The following JAKMIP3 variants were observed in gnomAD, a reference collection of about 807,000 sequenced individuals.
JAKMIP3 encodes Janus kinase and microtubule interacting protein 3.
JAKMIP3 carries 58 observed loss-of-function variants against 118.5 expected under a neutral mutation model. The ratio of observed to expected loss-of-function variants is 0.49; its 90% CI spans 0.40 to 0.61. JAKMIP3 has a LOEUF of 0.61. Ranked by LOEUF, JAKMIP3 falls within the 20% of genes least tolerant of loss-of-function variation. The pLI, the probability that JAKMIP3 is intolerant of heterozygous loss-of-function variation, is 0.00. For missense variants in JAKMIP3, 950 were observed against 1,109.0 expected (o/e 0.86, Z 2.04); for synonymous variants, 486 against 451.2 (o/e 1.08, Z -0.98).
intron 19 of JAKMIP3, among the ~76,000 whole-genome samples, chr10:132,157,750 G>C (rs959652535): frequency 2.0e-5 from 3 of 152,154 alleles, no homozygotes; most frequent in Non-Finnish European, 4.4e-5. Context: ...CTTGATAAAA[G>C]AAGGCAACCA....
intron 2 of JAKMIP3, among the ~76,000 whole-genome samples, chr10:132,116,574 C>T (rs545366104): frequency 8.4e-5 from 4 of 47,492 alleles, no homozygotes; most frequent in Non-Finnish European, 1.6e-4. Context: ...GCATCATGGA[C>T]GCTCCCCCCG....
intron 11 of JAKMIP3, 32 bp downstream of exon 11, chr10:132,142,080 C>G (rs369593822): frequency 3.8e-6 from 6 of 1,571,986 alleles, no homozygotes; most frequent in Non-Finnish European, 5.2e-6. Context: ...CGTTCCGGCC[C>G]CCCTCGTGCC....
chr10:132,123,910 C>T (rs1027025709), intron 3 of JAKMIP3, among the ~76,000 whole-genome samples: 6 of 152,298 alleles, frequency 3.9e-5, no homozygotes, highest in South Asian at 2.1e-4. Flanking sequence ...TAGCTGCCCA[C>T]GGTCCTGGCT....
intron 2 of JAKMIP3, among the ~76,000 whole-genome samples, chr10:132,114,447 A>G (rs536476869): frequency 2.0e-5 from 3 of 151,322 alleles, no homozygotes; most frequent in Non-Finnish European, 4.4e-5. Flanking sequence ...CTGGTCTTGA[A>G]CTCCTCAAGC....
Position 132,117,716 on chromosome 10 carries a change from T to C in JAKMIP3, c.633+142T>C. ...ACCGGCTTCACCCCCCATGACATTCTTAGCACAGGCTCCTCATGCCACCCC... is the reference window on the plus strand; with the variant it reads ...ACCGGCTTCACCCCCCATGACATTCCTAGCACAGGCTCCTCATGCCACCCC... On this transcript the variant is annotated intron_variant, in intron 3 of 23. Transcript: ENST00000684848. This position sits in a 1 kb window ranked among gnomAD's most constrained non-coding sequence, Gnocchi z 8.6. The C allele has an allele frequency of 1.9e-6, 2 of 1,044,100 alleles. No homozygotes were observed. The highest frequency in any genetic ancestry group is 2.5e-6 in the Non-Finnish European group (2 of 800,464). The allele number at this position is 1,044,100 out of a possible 1,614,324, so 64.7% of individuals were successfully genotyped here.
At position 132,136,215 on chromosome 10, in the gene JAKMIP3, G is replaced by T; in HGVS notation, c.1116+139G>T. On this transcript the variant is annotated intron_variant, in intron 6 of 23. Transcript: ENST00000684848. ...GCCTTCTGCTGGAGTCTGGCCTCAC[G>T]CATGTTTGAAGGGGAGCAACCGCCA... 5 of 907,610 alleles carry T rather than the reference G, an allele frequency of 5.5e-6. No homozygotes were observed. In the South Asian group the frequency reaches 6.9e-5, roughly 13 times the overall value. 56.2% of individuals were successfully genotyped at this position (907,610 alleles called of 1,614,324 possible).
At chr10:132,141,336 C>G (rs575046541) in intron 10 of JAKMIP3, among the ~76,000 whole-genome samples, 2 of 152,318 alleles carry the variant, frequency 1.3e-5, no homozygotes, top group East Asian at 1.9e-4. Context: ...CGTGGCCAAC[C>G]CTTCCAGCCC....
At chr10:132,111,011 GC>G (rs943598091) in intron 2 of JAKMIP3, among the ~76,000 whole-genome samples, 1 of 152,228 alleles carries the variant, frequency 6.6e-6, no homozygotes, top group African/African-American at 2.4e-5. Flanking sequence ...GCCACTGCCC[GC>G]CCTCCTGCAG....
At chr10:132,141,208 G>A (rs1400547463) in intron 10 of JAKMIP3, among the ~76,000 whole-genome samples, 1 of 152,212 alleles carries the variant, frequency 6.6e-6, no homozygotes. Flanking sequence ...ACCCTGGAGG[G>A]TGGCCCAATG....
rs1236675079 is a variant in JAKMIP3 at position 132,046,505 on chromosome 10, T to TGGG, written c.-138+9767_-138+9768insGGG. Among the ~76,000 whole-genome samples, 18 of 151,894 alleles carry TGGG rather than the reference T, an allele frequency of 1.2e-4. 1 individual carries two copies. Among genetic ancestry groups the TGGG allele is most frequent in the South Asian group, 1.0e-3 (5 of 4,810 alleles). The stretch of plus-strand genomic sequence containing the variant: ...CAGGGCGTCCACTTTGCACCTGGCT[T>TGGG]TCTGTTCTCAGCATCGCGTCTTGGG... On this transcript the variant is annotated intron_variant, in intron 1 of 23. Coordinates refer to the JAKMIP3 transcript ENST00000657785.
Position 132,037,667 on chromosome 10 carries a change from C to T in JAKMIP3, c.-138+929C>T, listed in dbSNP as rs189936473. Reference sequence around the variant, plus strand: ...AGGATTCCCTCCCTCAAGTAAAGGGCAAGTCGGGCTGCTCTGCTGACCCCT... The same window carrying T: ...AGGATTCCCTCCCTCAAGTAAAGGGTAAGTCGGGCTGCTCTGCTGACCCCT... On this transcript the variant is annotated intron_variant, in intron 1 of 23. Transcript: ENST00000657785. Among the ~76,000 whole-genome samples the T allele has an allele frequency of 9.5e-4, 145 of 152,312 alleles. 2 individuals are homozygous for T. The highest frequency in any genetic ancestry group is 9.4e-3 in the Admixed American group (144 of 15,302).
In JAKMIP3 at chr10:132,040,406, G is replaced by A. The variant is rs540039405; in HGVS notation, c.-138+3668G>A. On this transcript the variant is annotated intron_variant, in intron 1 of 23. Transcript: ENST00000657785. ...CGAGACAGGGCCCTCCCCTCGCTCC[G>A]TATCTATACATCTGCTGGCTGCCTG... Among the ~76,000 whole-genome samples, 7 of 152,240 alleles carry A rather than the reference G, an allele frequency of 4.6e-5. No individual in the cohort carries two copies. The East Asian group carries it at 9.7e-4, about 21-fold the overall frequency.
chr10:132,141,593 C>G (rs1012781369), intron 10 of JAKMIP3, among the ~76,000 whole-genome samples: 1 of 152,130 alleles, frequency 6.6e-6, no homozygotes, highest in African/African-American at 2.4e-5. Flanking sequence ...GCCTGGCTAG[C>G]AAGCAGGAGC....
intron 1 of JAKMIP3, among the ~76,000 whole-genome samples, chr10:132,101,139 G>A (rs1259242870): frequency 2.0e-5 from 3 of 152,216 alleles, no homozygotes; most frequent in African/African-American, 7.2e-5. Flanking sequence ...GCACTCCCAG[G>A]CCTGGGACGG....
intron 3 of JAKMIP3, among the ~76,000 whole-genome samples, chr10:132,121,348 G>A (rs571281172): frequency 2.0e-5 from 3 of 152,276 alleles, no homozygotes; most frequent in South Asian, 2.1e-4. Context: ...TTCTCCCAAC[G>A]AGAGACAGCT....
intron 19 of JAKMIP3, among the ~76,000 whole-genome samples, chr10:132,159,748 GGGCC>G (rs2057758399): frequency 1.4e-5 from 1 of 73,076 alleles, no homozygotes; most frequent in Non-Finnish European, 2.5e-5. Flanking sequence ...GATACTGGGG[GGGCC>G]TCTTCCTGTG....
chr10:132,088,665 C>G (rs2042716973), intron 1 of JAKMIP3, among the ~76,000 whole-genome samples: 1 of 152,178 alleles, frequency 6.6e-6, no homozygotes, highest in Non-Finnish European at 1.5e-5. Context: ...GTTGCCAGTT[C>G]ACTCTGATGG....
intron 3 of JAKMIP3, among the ~76,000 whole-genome samples, chr10:132,120,019 CTT>C (rs1400912320): frequency 6.6e-6 from 1 of 152,196 alleles, no homozygotes; most frequent in African/African-American, 2.4e-5. Context: ...CCAAGTTTAA[CTT>C]TTCTTTCCAT....
chr10:132,143,366 G>A (rs1477854659), intron 11 of JAKMIP3, among the ~76,000 whole-genome samples: 4 of 152,072 alleles, frequency 2.6e-5, no homozygotes, highest in Admixed American at 6.6e-5. Context: ...CCCTCACAGC[G>A]GGGGCGGGGC....
Sources: allele counts gnomAD v4.1 joint callset (sites outside exome capture counted in the v4.1 genomes callset), GRCh38; gene constraint gnomAD v4.1.1; non-coding constraint Gnocchi (gnomAD v3.1); transcripts MANE v1.5; gene names NCBI Gene and HGNC (gene_info 2026-07-23, HGNC 2026-07-21).